The following ZYG11A variants were observed in gnomAD, a reference collection of about 807,000 sequenced individuals.
The protein encoded by ZYG11A is protein zyg-11 homolog A.
Under a neutral mutation model 77.2 loss-of-function variants are expected in ZYG11A, and 62 were observed. That is an observed-to-expected ratio of 0.80 (90% CI 0.65 to 0.99). The LOEUF (loss-of-function observed/expected upper bound fraction) is 0.99. Among genes scored for constraint, ZYG11A ranks in the 50% least tolerant of loss-of-function variants. The probability of loss-of-function intolerance (pLI) is 0.00; values close to 1 mark genes in which losing one functional copy is unlikely to be tolerated. For synonymous variants in ZYG11A, 315 were observed against 324.6 expected (o/e 0.97, Z 0.32); for missense variants, 828 against 896.8 (o/e 0.92, Z 0.98).
chr1:52,849,089 G>A (rs902578788), intron 1 of ZYG11A, among the ~76,000 whole-genome samples: 2 of 151,184 alleles, frequency 1.3e-5, no homozygotes, highest in Non-Finnish European at 2.9e-5. Context: ...TTTTGAGACC[G>A]AGTCTCACTC....
intron 6 of ZYG11A, among the ~76,000 whole-genome samples, chr1:52,866,997 AATC>A (rs1341004066): frequency 6.6e-6 from 1 of 152,198 alleles, no homozygotes; most frequent in East Asian, 1.9e-4. Context: ...TTATTTAGAA[AATC>A]ATCATCATCC....
intron 8 of ZYG11A, among the ~76,000 whole-genome samples, chr1:52,874,253 A>G (rs774411814): frequency 3.3e-5 from 5 of 151,618 alleles, no homozygotes; most frequent in Non-Finnish European, 5.9e-5. Flanking sequence ...ATATATATAC[A>G]TATTTTTTAA....
At chr1:52,874,238 TC>T (rs1646222371) in intron 8 of ZYG11A, among the ~76,000 whole-genome samples, 2 of 108,324 alleles carry the variant, frequency 1.8e-5, no homozygotes, top group Non-Finnish European at 4.5e-5. Context: ...GCTCTCTCTC[TC>T]TATATATATA....
Position 52,842,787 on chromosome 1 carries a change from G to C in ZYG11A, c.-97G>C. On this transcript the variant is annotated 5_prime_UTR_variant, in exon 1 of 14. Transcript: ENST00000371528. ...TAGCTCCGTGTGCCTCGCAGGCGTG[G>C]TGGGCGCGTCCTGGCAGCCGCCCGC... The C allele has an allele frequency of 1.7e-6, 2 of 1,197,628 alleles. No individual in the cohort carries two copies. The highest frequency in any genetic ancestry group is 2.3e-6 in the Non-Finnish European group (2 of 854,202). 74.2% of individuals were successfully genotyped at this position (1,197,628 alleles called of 1,614,324 possible).
Position 52,868,384 on chromosome 1 carries a change from A to G in ZYG11A, c.1542+607A>G, listed in dbSNP as rs191569662. ...TTAGCTCTCCTACGTATCTTTCTAC[A>G]AATTACTTCCTCCTCTGGTCCCCAA... On this transcript the variant is annotated intron_variant, in intron 8 of 13. Coordinates refer to ENST00000371528, the MANE Select transcript of ZYG11A (RefSeq NM_001004339.3). Among the ~76,000 whole-genome samples the G allele has an allele frequency of 5.1e-3, 775 of 152,318 alleles. 1 individual carries two copies. Among genetic ancestry groups the G allele is most frequent in the Non-Finnish European group, 8.5e-3 (575 of 68,028 alleles).
At chr1:52,867,691 T>C in intron 7 of ZYG11A, 36 bp from the exon 8 acceptor site, 8 of 1,551,082 alleles carry the variant, frequency 5.2e-6, no homozygotes, top group Non-Finnish European at 7.0e-6. Flanking sequence ...TTATACAGGT[T>C]CCATAGTTCA....
At chr1:52,881,743 A>G (rs1224871671) in intron 11 of ZYG11A, 78 bp downstream of exon 11, 1 of 1,158,602 alleles carries the variant, frequency 8.6e-7, no homozygotes, top group Non-Finnish European at 1.2e-6. Context: ...AAATCATAAT[A>G]ATATGATTGT....
chr1:52,857,656 G>A lies in ZYG11A; in HGVS notation c.915G>A (p.Leu305=). ...GCATCACTGATGAAGCTGTAGAACT[G>A]TTTATACGACTGCGGCCTGCCATGC... ...GNCITDEAVE[L]FIRLRPAMQF... The change falls in exon 3 of 14, where the codon CTG becomes CTA. Residue 305 remains leucine (L), a synonymous_variant. Coordinates refer to ENST00000371528, the MANE Select transcript of ZYG11A (RefSeq NM_001004339.3). 6.4e-7 allele frequency: 1 copy of A among 1,552,202 alleles called. No homozygotes were observed. Among genetic ancestry groups the A allele is most frequent in the Non-Finnish European group, 8.7e-7 (1 of 1,147,100 alleles).
Position 52,864,164 on chromosome 1 carries a change from T to G in ZYG11A, c.1326+7T>G. 6.4e-7 allele frequency: 1 copy of G among 1,550,698 alleles called. No individual in the cohort carries two copies. Among genetic ancestry groups the G allele is most frequent in the Non-Finnish European group, 8.7e-7 (1 of 1,146,348 alleles). ...TTTCCCCCATTACCAGCAGGTAATTTCAATTGAATATTTGTTTGTGCTTTT... is the reference window on the plus strand; with the variant it reads ...TTTCCCCCATTACCAGCAGGTAATTGCAATTGAATATTTGTTTGTGCTTTT... On this transcript the variant is annotated splice_region_variant and intron_variant, in intron 5 of 13. Transcript: ENST00000371528.
chr1:52,852,821 C>A (rs80210078), intron 1 of ZYG11A, among the ~76,000 whole-genome samples: 1 of 152,104 alleles, frequency 6.6e-6, no homozygotes, highest in Non-Finnish European at 1.5e-5. Context: ...GTGCTCAGAA[C>A]TCTTATATTA....
At position 52,893,036 on chromosome 1, in the gene ZYG11A, A is replaced by G. The variant is rs1646572575; in HGVS notation, c.*79A>G. ...TGGCAGTAATTGCACATCAGTTGTC[A>G]TTGGAGTTTGTGAGTTGGCTGTCTC... On this transcript the variant is annotated 3_prime_UTR_variant, in exon 14 of 14. Coordinates refer to ENST00000371528, the MANE Select transcript of ZYG11A (RefSeq NM_001004339.3). 2.3e-6 allele frequency: 3 copies of G among 1,314,094 alleles called. No individual in the cohort carries two copies. Among genetic ancestry groups the G allele is most frequent in the Non-Finnish European group, 3.1e-6 (3 of 966,792 alleles). 81.4% of individuals were successfully genotyped at this position (1,314,094 alleles called of 1,614,324 possible).
intron 1 of ZYG11A, among the ~76,000 whole-genome samples, chr1:52,846,748 C>T (rs879680358): frequency 6.6e-6 from 1 of 151,964 alleles, no homozygotes; most frequent in Non-Finnish European, 1.5e-5. Flanking sequence ...TAATTTTTAA[C>T]GTGGTATATG....
intron 1 of ZYG11A, 97 bp downstream of exon 1, chr1:52,843,070 T>C: frequency 9.3e-7 from 1 of 1,073,630 alleles, no homozygotes; most frequent in Non-Finnish European, 1.3e-6. Context: ...AGGCACTTGC[T>C]GGGGAGTGTG....
rs1645471183 is a variant in ZYG11A at position 52,842,797 on chromosome 1, C to T, written c.-87C>T. ...TGCCTCGCAGGCGTGGTGGGCGCGTCCTGGCAGCCGCCCGCTTGGTTCTCG... is the reference window on the plus strand; with the variant it reads ...TGCCTCGCAGGCGTGGTGGGCGCGTTCTGGCAGCCGCCCGCTTGGTTCTCG... On this transcript the variant is annotated 5_prime_UTR_variant, in exon 1 of 14. Coordinates refer to ENST00000371528, the MANE Select transcript of ZYG11A (RefSeq NM_001004339.3). 1 of 1,326,380 alleles carries T rather than the reference C, an allele frequency of 7.5e-7. No homozygotes were observed. Among genetic ancestry groups the T allele is most frequent in the Non-Finnish European group, 1.0e-6 (1 of 969,182 alleles). 82.2% of individuals were successfully genotyped at this position (1,326,380 alleles called of 1,614,324 possible).
intron 6 of ZYG11A, 81 bp downstream of exon 6, chr1:52,866,648 G>C (rs1646032226): frequency 1.2e-6 from 1 of 811,300 alleles, no homozygotes; most frequent in African/African-American, 1.7e-5. Flanking sequence ...GCTGGGATAA[G>C]GTGTTTGGAG....
chr1:52,890,056 T>G (rs1448743649), intron 13 of ZYG11A, among the ~76,000 whole-genome samples: 1 of 148,658 alleles, frequency 6.7e-6, no homozygotes, highest in Non-Finnish European at 1.5e-5. Flanking sequence ...ACTGCTTGTT[T>G]TTTTTTTTTT....
intron 1 of ZYG11A, among the ~76,000 whole-genome samples, chr1:52,852,306 C>T (rs1207392836): frequency 4.6e-5 from 7 of 151,722 alleles, no homozygotes; most frequent in Non-Finnish European, 1.5e-5. Flanking sequence ...CTCATCTTCC[C>T]AAAGTAGTGT....
intron 8 of ZYG11A, among the ~76,000 whole-genome samples, chr1:52,871,692 T>G (rs1304620336): frequency 6.6e-6 from 1 of 152,174 alleles, no homozygotes; most frequent in Non-Finnish European, 1.5e-5. Flanking sequence ...TTGTTCAGCC[T>G]GGTCACTAAC....
At chr1:52,849,357 C>T (rs994072514) in intron 1 of ZYG11A, among the ~76,000 whole-genome samples, 4 of 150,546 alleles carry the variant, frequency 2.7e-5, no homozygotes, top group Non-Finnish European at 4.4e-5. Context: ...TGTGAGCCAC[C>T]GCGCCCAGCC....
Sources: allele counts gnomAD v4.1 joint callset (sites outside exome capture counted in the v4.1 genomes callset), GRCh38; gene constraint gnomAD v4.1.1; transcripts MANE v1.5; gene names NCBI Gene and HGNC (gene_info 2026-07-23, HGNC 2026-07-21).